PTGFRN: variants seen among roughly 807,000 people sequenced by gnomAD.
PTGFRN encodes the protein prostaglandin F2 receptor negative regulator.
In PTGFRN, 35 loss-of-function variants were observed where a neutral mutation model predicts 83.2. The observed-to-expected ratio is 0.42, with a 90% CI of 0.32 to 0.56. The LOEUF (loss-of-function observed/expected upper bound fraction) is 0.56. PTGFRN is among the 20% of genes least tolerant of loss of function. The pLI is 0.11. For synonymous variants in PTGFRN, 519 were observed against 498.6 expected, an observed-to-expected ratio of 1.04 and a Z score of -0.55; for missense variants, 1,051 against 1,179.5, an observed-to-expected ratio of 0.89 and a Z score of 1.60.
chr1:116,953,568 A>G (rs1245871924), intron 4 of PTGFRN, among the ~76,000 whole-genome samples: 1 of 147,564 alleles, frequency 6.8e-6, no homozygotes, highest in Non-Finnish European at 1.5e-5. Flanking sequence ...TGCTCACTGC[A>G]TTTTCTTGGT....
Position 116,918,763 on chromosome 1 carries a change from C to T in PTGFRN, c.49+8511C>T, listed in dbSNP as rs897348047. On this transcript the variant is annotated intron_variant, in intron 1 of 8. Transcript: ENST00000393203. The surrounding 1 kb of genome is among the most constrained non-coding windows in gnomAD (Gnocchi z 4.1). ...AAAGGCAGTGGGCCTAGTTTCGTGG[C>T]TTTATCCCACCAAGTTTGGCAGCCT... is the stretch of plus-strand genomic sequence containing the variant. Among the ~76,000 whole-genome samples the T allele has an allele frequency of 3.3e-5, 5 of 152,182 alleles. No individual in the cohort carries two copies. The highest frequency in any genetic ancestry group is 9.7e-5 in the African/African-American group (4 of 41,428).
chr1:116,945,478 C>T (rs1344148975), intron 3 of PTGFRN, among the ~76,000 whole-genome samples: 1 of 152,180 alleles, frequency 6.6e-6, no homozygotes, highest in African/African-American at 2.4e-5. Context: ...TGCCCCTAAA[C>T]TTTATCGGGT....
At chr1:116,982,983 C>G (rs1008854335) in intron 7 of PTGFRN, among the ~76,000 whole-genome samples, 4 of 152,134 alleles carry the variant, frequency 2.6e-5, no homozygotes, top group African/African-American at 7.2e-5. Context: ...CTGGTAATGC[C>G]CTTCCCCTTA....
rs143041827 is a variant in PTGFRN at position 116,990,193 on chromosome 1, A to G, written c.*3226A>G. ...CTGACTTTCTTTTTAAGTGTGGCAC[A>G]TAAGGATCTGCAGAATTTTCCGTAG... On this transcript the variant is annotated 3_prime_UTR_variant, in exon 9 of 9. Transcript: ENST00000393203. 1.3e-5 allele frequency: 2 copies of G among 152,804 alleles called. No individual in the cohort carries two copies. Among genetic ancestry groups the G allele is most frequent in the East Asian group, 1.9e-4 (1 of 5,192 alleles). The allele number at this position is 152,804 out of a possible 1,614,324, so 9.5% of individuals were successfully genotyped here.
At chr1:116,915,252 C>T (rs1649376743) in intron 1 of PTGFRN, among the ~76,000 whole-genome samples, 2 of 152,186 alleles carry the variant, frequency 1.3e-5, no homozygotes, top group South Asian at 4.1e-4. Flanking sequence ...GTTAGTGCAG[C>T]CCAGGTACAC....
chr1:116,967,263 G>C lies in PTGFRN; in HGVS notation c.1992G>C (p.Arg664Ser), dbSNP rs201653450. 8.3e-5 allele frequency: 134 copies of C among 1,614,088 alleles called. No homozygotes were observed. Among genetic ancestry groups the C allele is most frequent in the Non-Finnish European group, 1.1e-4 (129 of 1,180,044 alleles). The stretch of plus-strand genomic sequence containing the variant: ...TGGTGACAGCCTGGTCTCCTGTCAG[G>C]GGCAGCCTTTGGCGAGAAGCAGCAA... ...RCMVTAWSPVRGSLWREAATS... is the reference protein window; with the variant it reads ...RCMVTAWSPVSGSLWREAATS... Residue 664 changes from arginine to serine, a missense_variant, in exon 6 of 9, where the codon AGG becomes AGC. Transcript: ENST00000393203.
chr1:116,945,882 G>A (rs537289808), intron 3 of PTGFRN, among the ~76,000 whole-genome samples: 2 of 152,178 alleles, frequency 1.3e-5, no homozygotes, highest in East Asian at 3.9e-4. Flanking sequence ...CATCAATGGA[G>A]GACCTACTGT....
Position 116,944,851 on chromosome 1 carries a change from C to T in PTGFRN, c.591C>T (p.Leu197=), listed in dbSNP as rs751382518. 3.4e-5 allele frequency: 54 copies of T among 1,598,290 alleles called. No homozygotes were observed. The highest frequency in any genetic ancestry group is 4.4e-5 in the Non-Finnish European group (52 of 1,174,460). The change falls in exon 3 of 9, where the codon CTC becomes CTT. Residue 197 remains leucine (L), a synonymous_variant. Transcript: ENST00000393203. ...GCGGCCCGGCCAGGCGGAGCGTCCTCGCCCTGACCCACGAGGGCAGGTTCC... is the reference window on the plus strand; with the variant it reads ...GCGGCCCGGCCAGGCGGAGCGTCCTTGCCCTGACCCACGAGGGCAGGTTCC... ...VHRGPARRSV[L]ALTHEGRFHP...
rs1456076227 is a variant in PTGFRN, at chr1:116,923,335, T to C, written c.49+13083T>C. Among the ~76,000 whole-genome samples the C allele has an allele frequency of 1.3e-5, 2 of 152,260 alleles. No homozygotes were observed. Among genetic ancestry groups the C allele is most frequent in the African/African-American group, 2.4e-5 (1 of 41,472 alleles). ...TTACTATCTTTCTTATGTGTGCTTA[T>C]TTATCTTCTTTTGTTTGGAAAGAAT... On this transcript the variant is annotated intron_variant, in intron 1 of 8. Transcript: ENST00000393203. This position sits in a 1 kb window ranked among gnomAD's most constrained non-coding sequence, Gnocchi z 4.0.
chr1:116,946,442 G>T lies in PTGFRN; in HGVS notation c.832+1350G>T, dbSNP rs531386596. 2.0e-5 allele frequency among the ~76,000 whole-genome samples: 3 copies of T among 152,238 alleles called. No homozygotes were observed. In the South Asian group the frequency reaches 6.2e-4, roughly 32 times the overall value. The stretch of plus-strand genomic sequence containing the variant: ...GTTACCTTCCTGATCAGAAGTGATC[G>T]CTCTGCAATCTGCCCTAAGAAACCT... On this transcript the variant is annotated intron_variant, in intron 3 of 8. Coordinates refer to ENST00000393203, the MANE Select transcript of PTGFRN (RefSeq NM_020440.4).
At chr1:116,922,056 T>C (rs1249645763) in intron 1 of PTGFRN, among the ~76,000 whole-genome samples, 2 of 152,078 alleles carry the variant, frequency 1.3e-5, no homozygotes, top group African/African-American at 2.4e-5. Context: ...TATTAAACTC[T>C]GGGGAAGGGA....
At chr1:116,935,124 C>A (rs1462554724) in intron 1 of PTGFRN, among the ~76,000 whole-genome samples, 1 of 152,186 alleles carries the variant, frequency 6.6e-6, no homozygotes, top group African/African-American at 2.4e-5. Flanking sequence ...TTCAATGTAT[C>A]TTTCATGTCA....
chr1:116,959,927 C>T (rs1015727959), intron 4 of PTGFRN, among the ~76,000 whole-genome samples: 2 of 151,604 alleles, frequency 1.3e-5, no homozygotes, highest in African/African-American at 2.4e-5. Context: ...GAACTGAGAT[C>T]GCGCCACTGC....
chr1:116,982,041 G>A (rs1651336089), intron 7 of PTGFRN, among the ~76,000 whole-genome samples: 1 of 152,208 alleles, frequency 6.6e-6, no homozygotes, highest in Non-Finnish European at 1.5e-5. Flanking sequence ...TCCTGTACCT[G>A]AGATGGGGAA....
chr1:116,911,273 A>G (rs1557954823), intron 1 of PTGFRN, among the ~76,000 whole-genome samples: 2 of 152,194 alleles, frequency 1.3e-5, no homozygotes, highest in African/African-American at 2.4e-5. Context: ...CCAAGCCCCT[A>G]GAGAAGGCGG....
chr1:116,939,214 G>T (rs951144778), intron 1 of PTGFRN, among the ~76,000 whole-genome samples: 31 of 152,256 alleles, frequency 2.0e-4, no homozygotes, highest in African/African-American at 7.2e-4. Flanking sequence ...CCCAGTAGGG[G>T]CTGTTTGTGG....
chr1:116,910,271 C>T lies in PTGFRN; in HGVS notation c.49+19C>T. 7.1e-7 allele frequency: 1 copy of T among 1,406,830 alleles called. No individual in the cohort carries two copies. Among genetic ancestry groups the T allele is most frequent in the Non-Finnish European group, 9.2e-7 (1 of 1,088,154 alleles). 87.1% of individuals were successfully genotyped at this position (1,406,830 alleles called of 1,614,324 possible). ...TCGTTGGGTGAGTGTGCGCGGGGCT[C>T]AGCGGGGCACACGGGGACTGGCGAG... On this transcript the variant is annotated intron_variant, in intron 1 of 8. Coordinates refer to ENST00000393203, the MANE Select transcript of PTGFRN (RefSeq NM_020440.4).
chr1:116,960,691 A>AG (rs1383041793), intron 4 of PTGFRN, among the ~76,000 whole-genome samples: 8 of 152,178 alleles, frequency 5.3e-5, no homozygotes, highest in Non-Finnish European at 1.0e-4. Flanking sequence ...AAGTGAGGAC[A>AG]TAAATATGTA....
chr1:116,930,432 C>T (rs1393693096), intron 1 of PTGFRN, among the ~76,000 whole-genome samples: 1 of 152,194 alleles, frequency 6.6e-6, no homozygotes, highest in Non-Finnish European at 1.5e-5. Flanking sequence ...CACTGCTGGG[C>T]AGATTTCCTT....
Sources: gnomAD v4.1 joint callset for allele counts (sites outside exome capture counted in the v4.1 genomes callset) on GRCh38, gnomAD v4.1.1 for gene constraint, Gnocchi (gnomAD v3.1) non-coding constraint, MANE v1.5 for transcripts, NCBI Gene and HGNC (gene_info 2026-07-23, HGNC 2026-07-21) for gene names.